MAML2: variants seen among roughly 807,000 people sequenced by gnomAD.
MAML2 encodes mastermind-like protein 2.
A neutral mutation model predicts 96.1 loss-of-function variants in MAML2; 22 were observed. That is an observed-to-expected ratio of 0.23 (90% CI 0.16 to 0.33). The LOEUF (loss-of-function observed/expected upper bound fraction) is 0.33. Ranked by LOEUF, MAML2 falls within the 10% of genes least tolerant of loss-of-function variation. The pLI is 1.00. For missense variants in MAML2, 1,367 were observed against 1,392.4 expected (o/e 0.98, Z 0.29); for synonymous variants, 561 against 521.3 (o/e 1.08, Z -1.04).
chr11:96,263,985 A>C (rs903692252), intron 1 of MAML2, among the ~76,000 whole-genome samples: 2 of 152,234 alleles, frequency 1.3e-5, no homozygotes, highest in Non-Finnish European at 1.5e-5. Flanking sequence ...AAATATGTAG[A>C]AATCACTCTG....
At chr11:95,992,317 C>T (rs574614743) in intron 2 of MAML2, among the ~76,000 whole-genome samples, 24 of 152,100 alleles carry the variant, frequency 1.6e-4, no homozygotes, top group Non-Finnish European at 2.8e-4. Flanking sequence ...TCAGGTATCT[C>T]GGCGCAAGAA....
chr11:96,276,486 C>G (rs1862989695), intron 1 of MAML2, among the ~76,000 whole-genome samples: 1 of 152,136 alleles, frequency 6.6e-6, no homozygotes, highest in African/African-American at 2.4e-5. Flanking sequence ...AAAGAAAAGT[C>G]CTTGTCTGTC....
rs543373689 is a variant in MAML2 at position 96,121,780 on chromosome 11, ATTTTTT to A, written c.514-28269_514-28264del. Among the ~76,000 whole-genome samples, 90 of 35,244 alleles carry A rather than the reference ATTTTTT, an allele frequency of 2.6e-3. 2 individuals carry two copies. The highest frequency in any genetic ancestry group is 9.7e-3 in the Admixed American group (23 of 2,376). The allele number at this position is 35,244 out of a possible 152,430, so 23.1% of individuals were successfully genotyped here. On this transcript the variant is annotated intron_variant, in intron 1 of 4. Coordinates refer to ENST00000524717, the MANE Select transcript of MAML2 (RefSeq NM_032427.4). ...TCCATTCCATATTCCCAACTGCGTG[ATTTTTT>A]TTTTTTTTTTTTTTTTTTGAGACGG... is the stretch of plus-strand genomic sequence containing the variant.
chr11:96,280,084 A>C (rs573011788), intron 1 of MAML2, among the ~76,000 whole-genome samples: 1 of 152,372 alleles, frequency 6.6e-6, no homozygotes, highest in Non-Finnish European at 1.5e-5. Context: ...AGCCATTAAC[A>C]GACTCACACA....
At chr11:96,184,591 CTTTT>C (rs35327027) in intron 1 of MAML2, among the ~76,000 whole-genome samples, 1,802 of 128,182 alleles carry the variant, frequency 0.014, 39 homozygotes, top group African/African-American at 0.051. Context: ...AGTCATTTTA[CTTTT>C]TTTTTTTTTT....
At chr11:96,063,638 A>T (rs1859202126) in intron 2 of MAML2, among the ~76,000 whole-genome samples, 1 of 152,184 alleles carries the variant, frequency 6.6e-6, no homozygotes, top group Non-Finnish European at 1.5e-5. Context: ...AATCTTAGAG[A>T]GGTTGCTAAT....
intron 4 of MAML2, 97 bp downstream of exon 4, chr11:95,985,434 A>G (rs900097662): frequency 1.5e-6 from 1 of 680,518 alleles, no homozygotes; most frequent in Non-Finnish European, 2.5e-6. Context: ...TCTAAGAAAG[A>G]TATTATAATC....
intron 1 of MAML2, among the ~76,000 whole-genome samples, chr11:96,302,712 T>A (rs1349013260): frequency 6.6e-6 from 1 of 152,176 alleles, no homozygotes; most frequent in Non-Finnish European, 1.5e-5. Context: ...AAACCCCAAG[T>A]TCTTGTAACG....
At chr11:96,246,007 A>G (rs1359856693) in intron 1 of MAML2, among the ~76,000 whole-genome samples, 1 of 150,884 alleles carries the variant, frequency 6.6e-6, no homozygotes, top group Admixed American at 6.6e-5. Flanking sequence ...CCAGCTGCTT[A>G]ATTCTTTATA....
rs189631970 is a variant in MAML2 at position 95,983,689 on chromosome 11, G to A, written c.2455+1842C>T. On this transcript the variant is annotated intron_variant, in intron 4 of 4. Coordinates refer to ENST00000524717, the MANE Select transcript of MAML2 (RefSeq NM_032427.4). ...ACCCCATATATATGAACAATTATAT[G>A]TCAATTAAAAATAATTTAAAAATTG... is the stretch of plus-strand genomic sequence containing the variant. 6.1e-4 allele frequency among the ~76,000 whole-genome samples: 92 copies of A among 151,856 alleles called. 2 individuals carry two copies. The highest frequency in any genetic ancestry group is 5.6e-3 in the Admixed American group (86 of 15,260).
intron 2 of MAML2, among the ~76,000 whole-genome samples, chr11:96,015,592 G>GC (rs1177815040): frequency 7.8e-6 from 1 of 128,414 alleles, no homozygotes; most frequent in Non-Finnish European, 1.7e-5. Flanking sequence ...AAAGGGGGGG[G>GC]GGGCAATTCA....
chr11:96,191,416 G>A (rs937197967), intron 1 of MAML2, among the ~76,000 whole-genome samples: 2 of 149,528 alleles, frequency 1.3e-5, no homozygotes, highest in African/African-American at 4.9e-5. Context: ...AGTGAGCCGA[G>A]ACCACACCAC....
intron 1 of MAML2, among the ~76,000 whole-genome samples, chr11:96,162,921 A>C (rs1423041172): frequency 6.6e-6 from 1 of 152,146 alleles, no homozygotes; most frequent in Non-Finnish European, 1.5e-5. Context: ...TTGTGTAGCT[A>C]TGTCATTATC....
At chr11:96,124,627 CT>C (rs752161898) in intron 1 of MAML2, among the ~76,000 whole-genome samples, 10 of 152,124 alleles carry the variant, frequency 6.6e-5, no homozygotes, top group Non-Finnish European at 1.2e-4. Context: ...CCTCCTTCTC[CT>C]TATCATCATC....
chr11:96,156,379 G>C (rs1283886156), intron 1 of MAML2, among the ~76,000 whole-genome samples: 1 of 152,150 alleles, frequency 6.6e-6, no homozygotes, highest in Non-Finnish European at 1.5e-5. Flanking sequence ...GTCAGCCAGG[G>C]AAGAGGCATC....
intron 2 of MAML2, among the ~76,000 whole-genome samples, chr11:96,030,001 A>G (rs1213254804): frequency 6.6e-6 from 1 of 152,196 alleles, no homozygotes; most frequent in African/African-American, 2.4e-5. Context: ...TGGGAGGCCA[A>G]GGTGGGTGGA....
At chr11:96,242,317 C>T (rs1022990826) in intron 1 of MAML2, among the ~76,000 whole-genome samples, 62 of 152,140 alleles carry the variant, frequency 4.1e-4, no homozygotes, top group Admixed American at 1.2e-3. Context: ...GAAAAAACTT[C>T]ATAAAAATCA....
intron 1 of MAML2, among the ~76,000 whole-genome samples, chr11:96,121,083 A>AT (rs76860985): frequency 6.6e-6 from 1 of 152,004 alleles, no homozygotes; most frequent in African/African-American, 2.4e-5. Flanking sequence ...AGCCAGAGTC[A>AT]GGGGGGAGTG....
intron 2 of MAML2, among the ~76,000 whole-genome samples, chr11:96,036,421 A>G (rs948983209): frequency 6.6e-6 from 1 of 152,198 alleles, no homozygotes. Flanking sequence ...CTCTGCAGGA[A>G]TATGATGGGA....
Sources: allele counts gnomAD v4.1 joint callset (sites outside exome capture counted in the v4.1 genomes callset), GRCh38; gene constraint gnomAD v4.1.1; transcripts MANE v1.5; gene names NCBI Gene and HGNC (gene_info 2026-07-23, HGNC 2026-07-21).